CHODL: variants seen among roughly 807,000 people sequenced by gnomAD.
CHODL encodes the protein transmembrane protein MT75.
Under a neutral mutation model 34.5 loss-of-function variants are expected in CHODL, and 29 were observed. The ratio of observed to expected loss-of-function variants is 0.84; its 90% CI spans 0.63 to 1.15. The LOEUF is 1.15. Among genes scored for constraint, CHODL ranks in the 50% most tolerant of loss-of-function variants. CHODL has a pLI of 0.00. For missense variants in CHODL, 332 were observed against 332.5 expected (o/e 1.00, Z 0.01); for synonymous variants, 125 against 116.1 (o/e 1.08, Z -0.49).
intron 2 of CHODL, among the ~76,000 whole-genome samples, chr21:18,174,141 ATATATATATAT>A (rs1568923173): frequency 8.5e-6 from 1 of 117,382 alleles, no homozygotes; most frequent in African/African-American, 3.5e-5. Context: ...ATATATATAT[ATATATATATAT>A]ATATATATAA....
At chr21:18,195,487 C>T (rs906302951) in intron 2 of CHODL, among the ~76,000 whole-genome samples, 7 of 152,206 alleles carry the variant, frequency 4.6e-5, no homozygotes, top group Admixed American at 2.6e-4. Flanking sequence ...CAGTCCTCAG[C>T]AACCGCCATT....
intron 2 of CHODL, among the ~76,000 whole-genome samples, chr21:18,074,867 A>C (rs912851634): frequency 7.9e-5 from 12 of 152,164 alleles, no homozygotes; most frequent in African/African-American, 2.9e-4. Context: ...AGGAGCCCGT[A>C]GAAAGAATGG....
intron 4 of CHODL, among the ~76,000 whole-genome samples, 194 bp from the exon 5 acceptor site, chr21:18,262,597 G>T (rs1163157781): frequency 6.6e-6 from 1 of 152,110 alleles, no homozygotes; most frequent in Non-Finnish European, 1.5e-5. Context: ...GTGATGCATC[G>T]TTGACTGAAA....
At chr21:18,088,158 G>C (rs778383779) in intron 2 of CHODL, among the ~76,000 whole-genome samples, 1 of 152,128 alleles carries the variant, frequency 6.6e-6, no homozygotes, top group South Asian at 2.1e-4. Flanking sequence ...GCAGTGACAC[G>C]AGCCAAACCA....
chr21:18,002,802 A>T (rs2063919004), intron 1 of CHODL, among the ~76,000 whole-genome samples: 1 of 152,092 alleles, frequency 6.6e-6, no homozygotes, highest in South Asian at 2.1e-4. Context: ...TGCTTGTAGG[A>T]TGGATACACT....
At chr21:18,231,193 A>G (rs1052175997) in intron 2 of CHODL, among the ~76,000 whole-genome samples, 4 of 152,140 alleles carry the variant, frequency 2.6e-5, no homozygotes, top group Admixed American at 6.6e-5. Context: ...ATAACAAAGT[A>G]GCGGTATTCC....
chr21:18,083,677 T>TTA (rs1172907233), intron 2 of CHODL, among the ~76,000 whole-genome samples: 1 of 152,198 alleles, frequency 6.6e-6, no homozygotes, highest in Non-Finnish European at 1.5e-5. Context: ...TTCTGGAGCT[T>TTA]TAATATTTAA....
At chr21:17,967,649 ATCT>A (rs1039069134) in intron 1 of CHODL, among the ~76,000 whole-genome samples, 43 of 152,150 alleles carry the variant, frequency 2.8e-4, no homozygotes, top group Non-Finnish European at 1.0e-4. Flanking sequence ...GGCAATGTAC[ATCT>A]TCTTTCAACA....
chr21:18,204,641 CA>C (rs1420916906), intron 2 of CHODL, among the ~76,000 whole-genome samples: 1 of 152,078 alleles, frequency 6.6e-6, no homozygotes, highest in African/African-American at 2.4e-5. Flanking sequence ...TGATACTTGG[CA>C]TATTTTTGAT....
At chr21:18,004,604 T>G (rs2063942561) in intron 1 of CHODL, among the ~76,000 whole-genome samples, 1 of 152,214 alleles carries the variant, frequency 6.6e-6, no homozygotes, top group Non-Finnish European at 1.5e-5. Flanking sequence ...TTTGTTTGCT[T>G]CAGCTCACTC....
At chr21:17,920,414 AC>A (rs2063174337) in intron 1 of CHODL, among the ~76,000 whole-genome samples, 1 of 151,922 alleles carries the variant, frequency 6.6e-6, no homozygotes, top group Non-Finnish European at 1.5e-5. Flanking sequence ...GTGCAGGGAA[AC>A]TCTCATTTTT....
chr21:18,120,362 G>A (rs1484843171), intron 2 of CHODL, among the ~76,000 whole-genome samples: 2 of 152,138 alleles, frequency 1.3e-5, no homozygotes, highest in Non-Finnish European at 2.9e-5. Context: ...CATACCCTGT[G>A]TATGGGGTAG....
intron 2 of CHODL, among the ~76,000 whole-genome samples, chr21:18,106,591 G>T (rs1195955138): frequency 2.0e-5 from 3 of 151,442 alleles, no homozygotes; most frequent in African/African-American, 7.3e-5. Flanking sequence ...CGCCTCCTGG[G>T]TTCCCACCAT....
chr21:18,163,736 T>G (rs2073122859), intron 2 of CHODL, among the ~76,000 whole-genome samples: 1 of 152,162 alleles, frequency 6.6e-6, no homozygotes, highest in African/African-American at 2.4e-5. Context: ...GAGGTATTGT[T>G]TATATTTCAT....
intron 2 of CHODL, among the ~76,000 whole-genome samples, chr21:18,078,508 A>G (rs182633093): frequency 3.8e-4 from 58 of 152,308 alleles, no homozygotes; most frequent in African/African-American, 1.3e-3. Flanking sequence ...ATGGTTTAGA[A>G]TATTAAATGT....
At chr21:18,146,226 C>G (rs1424805033) in intron 2 of CHODL, among the ~76,000 whole-genome samples, 1 of 151,962 alleles carries the variant, frequency 6.6e-6, no homozygotes, top group Non-Finnish European at 1.5e-5. Context: ...ATCCGCCCAC[C>G]TCGGCCTCCC....
At chr21:18,184,556 T>C (rs2073418045) in intron 2 of CHODL, among the ~76,000 whole-genome samples, 1 of 152,184 alleles carries the variant, frequency 6.6e-6, no homozygotes, top group Admixed American at 6.5e-5. Flanking sequence ...TCCCCAAGTA[T>C]ATAAAACAAT....
chr21:17,985,637 A>T (rs2063747634), intron 1 of CHODL, among the ~76,000 whole-genome samples: 1 of 152,190 alleles, frequency 6.6e-6, no homozygotes, highest in Non-Finnish European at 1.5e-5. Context: ...ACAAAAAGGA[A>T]GTCTCTTATG....
At chr21:18,188,225 A>C (rs190191885) in intron 2 of CHODL, among the ~76,000 whole-genome samples, 26 of 152,126 alleles carry the variant, frequency 1.7e-4, no homozygotes, top group African/African-American at 6.0e-4. Flanking sequence ...ATTTCATCCC[A>C]AAAGTTACTG....
Sources: allele counts gnomAD v4.1 joint callset (sites outside exome capture counted in the v4.1 genomes callset), GRCh38; gene constraint gnomAD v4.1.1; transcripts MANE v1.5; gene names NCBI Gene and HGNC (gene_info 2026-07-23, HGNC 2026-07-21).